TESMIN: variants seen among roughly 807,000 people sequenced by gnomAD.
The protein encoded by TESMIN is testis expressed metallothionein like protein, also known as CXC domain containing 2.
In TESMIN, 34 loss-of-function variants were observed where a neutral mutation model predicts 47.4. The observed-to-expected ratio is 0.72, with a 90% CI of 0.55 to 0.96. TESMIN has a LOEUF of 0.96. TESMIN is among the 40% of genes least tolerant of loss of function. The pLI is 0.00. For missense variants in TESMIN, 610 were observed against 637.2 expected (o/e 0.96, Z 0.46); for synonymous variants, 278 against 258.9 (o/e 1.07, Z -0.71).
intron 6 of TESMIN, chr11:68,736,765 GGAA>G (rs1022764689): frequency 5.1e-6 from 5 of 972,510 alleles, no homozygotes; most frequent in Non-Finnish European, 6.1e-6. Flanking sequence ...AAAGGAGAGA[GGAA>G]GAAGAGCAGG....
At chr11:68,705,894 G>A (rs1477552151), downstream of TESMIN, among the ~76,000 whole-genome samples, 2 of 151,946 alleles carry the variant, frequency 1.3e-5, no homozygotes, top group Admixed American at 6.6e-5. Flanking sequence ...GTGGTGGTGC[G>A]CGCCTGTAAT....
intron 4 of TESMIN, 89 bp downstream of exon 4, chr11:68,744,902 T>C: frequency 9.1e-7 from 1 of 1,103,206 alleles, no homozygotes; most frequent in Non-Finnish European, 1.3e-6. Context: ...AATATCCTGG[T>C]TGCCATTTCA....
intron 5 of TESMIN, among the ~76,000 whole-genome samples, chr11:68,741,619 C>T (rs542530527): frequency 6.6e-6 from 1 of 152,340 alleles, no homozygotes; most frequent in Admixed American, 6.5e-5. Flanking sequence ...AGTGCCTGCC[C>T]TTATTGAAGG....
In TESMIN at chr11:68,731,675, C is replaced by T. The variant is rs117244083; in HGVS notation, c.917+7025G>A. On this transcript the variant is annotated intron_variant, in intron 6 of 9. Coordinates refer to ENST00000255087, the MANE Select transcript of TESMIN (RefSeq NM_004923.3). The stretch of plus-strand genomic sequence containing the variant: ...CCACAAGTGTGAGTGAAGCAAGCAA[C>T]GGAGGATCCCCAGCTTATGTTCCTT... 6.6e-5 allele frequency among the ~76,000 whole-genome samples: 10 copies of T among 152,264 alleles called. No homozygotes were observed. In the East Asian group the frequency reaches 9.6e-4, roughly 15 times the overall value.
chr11:68,742,464 G>T, intron 4 of TESMIN, 70 bp from the exon 5 acceptor site: 1 of 992,112 alleles, frequency 1.0e-6, no homozygotes, highest in Non-Finnish European at 1.5e-6. Context: ...GTGGATGAAA[G>T]TACAAAAGTC....
downstream of TESMIN, among the ~76,000 whole-genome samples, chr11:68,705,926 G>A (rs926058450): frequency 6.6e-6 from 1 of 151,162 alleles, no homozygotes; most frequent in Admixed American, 6.6e-5. Context: ...AGGAGGCTGA[G>A]GCAGGAGAAT....
chr11:68,726,467 C>T (rs1369771861), intron 6 of TESMIN, among the ~76,000 whole-genome samples: 11 of 152,010 alleles, frequency 7.2e-5, no homozygotes, highest in African/African-American at 1.9e-4. Flanking sequence ...GATTATAATT[C>T]GCAGTTTAAA....
intron 6 of TESMIN, among the ~76,000 whole-genome samples, chr11:68,730,034 G>A (rs1594293798): frequency 6.6e-6 from 1 of 152,164 alleles, no homozygotes; most frequent in Non-Finnish European, 1.5e-5. Flanking sequence ...CAATAGCCAC[G>A]ACATTAAGGC....
Position 68,712,946 on chromosome 11 carries a change from C to G in TESMIN, c.1158+324G>C, listed in dbSNP as rs550133282. Among the ~76,000 whole-genome samples, 10 of 152,186 alleles carry G rather than the reference C, an allele frequency of 6.6e-5. No homozygotes were observed. The South Asian group carries it at 2.1e-3, about 32-fold the overall frequency. ...AGGCGCGGCTGCCCTCCGGGAGCTT[C>G]CACCCTGTTGGAGGACCAGCGTGGA... is the stretch of plus-strand genomic sequence containing the variant. On this transcript the variant is annotated intron_variant, in intron 8 of 9. Coordinates refer to ENST00000255087, the MANE Select transcript of TESMIN (RefSeq NM_004923.3).
intron 6 of TESMIN, among the ~76,000 whole-genome samples, chr11:68,734,284 TC>T (rs1365058503): frequency 6.6e-6 from 1 of 152,170 alleles, no homozygotes; most frequent in Non-Finnish European, 1.5e-5. Context: ...GGCGATTAGC[TC>T]AGAAGTCATC....
intron 5 of TESMIN, among the ~76,000 whole-genome samples, chr11:68,742,112 T>C (rs576982618): frequency 1.3e-5 from 2 of 152,280 alleles, no homozygotes; most frequent in Non-Finnish European, 2.9e-5. Context: ...CTTCATCAAG[T>C]TGGTGAAGAA....
chr11:68,722,530 A>G (rs1327488179), intron 6 of TESMIN, among the ~76,000 whole-genome samples: 1 of 152,220 alleles, frequency 6.6e-6, no homozygotes, highest in Admixed American at 6.5e-5. Flanking sequence ...ACTTCAAAAA[A>G]AAAAAGTTGT....
At chr11:68,738,163 A>C (rs1946409996) in intron 6 of TESMIN, 2 of 986,208 alleles carry the variant, frequency 2.0e-6, no homozygotes. Flanking sequence ...AAGACAGGCA[A>C]GAAATAGCAA....
chr11:68,745,132 C>G (rs1946502807), intron 3 of TESMIN, 21 bp from the exon 4 acceptor site: 2 of 1,573,336 alleles, frequency 1.3e-6, no homozygotes, highest in South Asian at 2.4e-5. Context: ...AAAGAACAAT[C>G]AGGTTTCATT....
In TESMIN at chr11:68,750,332, G is replaced by A. The variant is rs1186163235; in HGVS notation, c.329C>T (p.Ala110Val). Reference sequence around the variant, plus strand: ...GGGCGGCTGCGGGGCCTGCAGGAGCGCGACGTCCTCCAGCGCGCTGAGCTC... The same window carrying A: ...GGGCGGCTGCGGGGCCTGCAGGAGCACGACGTCCTCCAGCGCGCTGAGCTC... ...IPELSALEDV[A>V]LLQAPQPPAC... is the part of the protein sequence containing the mutation. The change falls in exon 2 of 10, where the codon GCG becomes GTG. Residue 110 changes from alanine (A) to valine (V), a missense_variant. Transcript: ENST00000255087. The A allele has an allele frequency of 6.6e-7, 1 of 1,507,178 alleles. No homozygotes were observed. Among genetic ancestry groups the A allele is most frequent in the East Asian group, 2.4e-5 (1 of 40,998 alleles). 93.4% of individuals were successfully genotyped at this position (1,507,178 alleles called of 1,614,324 possible). A position where few individuals can be genotyped will look rare whatever the true frequency, so the allele number is the denominator to read the frequency against.
At chr11:68,738,327 A>G (rs773469441) in intron 6 of TESMIN, 127 of 1,019,616 alleles carry the variant, frequency 1.2e-4, no homozygotes, top group Non-Finnish European at 1.4e-4. Flanking sequence ...TTCATGCTGC[A>G]TGGCTGCCAC....
intron 6 of TESMIN, among the ~76,000 whole-genome samples, chr11:68,718,675 G>T (rs1186419908): frequency 6.6e-6 from 1 of 152,206 alleles, no homozygotes; most frequent in African/African-American, 2.4e-5. Flanking sequence ...AACCAAGACA[G>T]CATGAGCACA....
At chr11:68,738,249 G>A (rs2153992368) in intron 6 of TESMIN, 1 of 995,892 alleles carries the variant, frequency 1.0e-6, no homozygotes, top group South Asian at 4.4e-5. Context: ...ACCTGCCATA[G>A]AGCTCGAGCC....
chr11:68,719,909 G>C (rs903380474), intron 6 of TESMIN, among the ~76,000 whole-genome samples: 1 of 152,174 alleles, frequency 6.6e-6, no homozygotes, highest in Admixed American at 6.5e-5. Context: ...TCTTTGGAGT[G>C]AGGATATCTG....
Sources: allele counts gnomAD v4.1 joint callset (sites outside exome capture counted in the v4.1 genomes callset), GRCh38; gene constraint gnomAD v4.1.1; transcripts MANE v1.5; gene names NCBI Gene and HGNC (gene_info 2026-07-23, HGNC 2026-07-21).